Variants in SUZ12 observed in about 807,000 individuals in gnomAD.
The protein encoded by SUZ12 is polycomb protein SUZ12.
In SUZ12, 17 loss-of-function variants were observed where a neutral mutation model predicts 87.3. The ratio of observed to expected loss-of-function variants is 0.19; its 90% CI spans 0.13 to 0.29. SUZ12 has a LOEUF of 0.29. Among genes scored for constraint, SUZ12 ranks in the 10% least tolerant of loss-of-function variants. The pLI is 1.00. For synonymous variants in SUZ12, 253 were observed against 312.4 expected (o/e 0.81, Z 2.01); for missense variants, 526 against 912.2 (o/e 0.58, Z 5.45).
chr17:31,992,754 C>T (rs1002170335), intron 10 of SUZ12, among the ~76,000 whole-genome samples: 5 of 148,856 alleles, frequency 3.4e-5, no homozygotes, highest in African/African-American at 7.4e-5. Context: ...GTCATCCAGG[C>T]GGAAGTGCAG....
intron 6 of SUZ12, among the ~76,000 whole-genome samples, chr17:31,973,594 C>A (rs1188952473): frequency 1.3e-5 from 2 of 152,182 alleles, no homozygotes; most frequent in Non-Finnish European, 2.9e-5. Context: ...GTTTTTTCCA[C>A]AAGATTATCC....
At chr17:31,988,553 G>T in intron 10 of SUZ12, 56 bp downstream of exon 10, 1 of 1,458,290 alleles carries the variant, frequency 6.9e-7, no homozygotes, top group South Asian at 1.4e-5. Context: ...GTTAGGTCTT[G>T]TGCTTTAGAT....
chr17:31,998,094 T>TG (rs1288913646), intron 15 of SUZ12, among the ~76,000 whole-genome samples: 1 of 151,274 alleles, frequency 6.6e-6, no homozygotes. Flanking sequence ...TTTTTTTTTT[T>TG]TTTGAGACGG....
At chr17:31,964,152 G>A (rs370065507) in intron 4 of SUZ12, among the ~76,000 whole-genome samples, 10,429 of 149,944 alleles carry the variant, frequency 0.07, no homozygotes, top group African/African-American at 0.23. Flanking sequence ...TCTGCCTCCC[G>A]AGTAGCTGGG....
chr17:31,942,462 G>A (rs1273550140), intron 3 of SUZ12, among the ~76,000 whole-genome samples: 3 of 151,798 alleles, frequency 2.0e-5, no homozygotes, highest in South Asian at 2.1e-4. Context: ...CAGCTTCCCA[G>A]GTAGCTGAGA....
rs557738780 is a variant in SUZ12 at position 31,999,963 on chromosome 17, G to A, written c.*960G>A. 1 of 232,618 alleles carries A rather than the reference G, an allele frequency of 4.3e-6. No homozygotes were observed. Among genetic ancestry groups the A allele is most frequent in the African/African-American group, 2.2e-5 (1 of 45,314 alleles). The allele number at this position is 232,618 out of a possible 1,614,324, so 14.4% of individuals were successfully genotyped here. A position where few individuals can be genotyped will look rare whatever the true frequency, so the allele number is the denominator to read the frequency against. On this transcript the variant is annotated 3_prime_UTR_variant, in exon 16 of 16. Transcript: ENST00000322652. ...TTTATTTGTTTGCAAGGATGTCTTT[G>A]TAATGTGTTTCATGAATAGAATATC...
At chr17:31,997,484 G>A (rs1230657049) in intron 15 of SUZ12, among the ~76,000 whole-genome samples, 1 of 152,062 alleles carries the variant, frequency 6.6e-6, no homozygotes, top group African/African-American at 2.4e-5. Flanking sequence ...CCAACATGGT[G>A]AAACCCTGTC....
In SUZ12 at chr17:31,985,660, T is replaced by C. The variant is rs543471103; in HGVS notation, c.1023+2556T>C. 2.0e-5 allele frequency among the ~76,000 whole-genome samples: 3 copies of C among 151,940 alleles called. No individual in the cohort carries two copies. The East Asian group carries it at 5.8e-4, about 29-fold the overall frequency. On this transcript the variant is annotated intron_variant, in intron 9 of 15. Transcript: ENST00000322652. ...TTGTTGTTGGTTTTGTTTTTGTTTT[T>C]TTTTTGTTTGTTTTGTTTTTGAGAT...
At chr17:31,972,923 G>A (rs1190786591) in intron 5 of SUZ12, among the ~76,000 whole-genome samples, 5 of 149,390 alleles carry the variant, frequency 3.3e-5, no homozygotes, top group African/African-American at 1.2e-4. Context: ...ATATAGGACG[G>A]TAATTATATT....
At chr17:31,998,549 C>A in intron 15 of SUZ12, 109 bp from the exon 16 acceptor site, 1 of 701,316 alleles carries the variant, frequency 1.4e-6, no homozygotes, top group Non-Finnish European at 2.1e-6. Flanking sequence ...CTTCTTTAAT[C>A]ATCTTTTATT....
intron 3 of SUZ12, among the ~76,000 whole-genome samples, chr17:31,944,269 C>G (rs1263191313): frequency 1.3e-5 from 2 of 151,990 alleles, no homozygotes; most frequent in East Asian, 1.9e-4. Flanking sequence ...GCTGGGATTA[C>G]AGGCATGCGC....
intron 4 of SUZ12, among the ~76,000 whole-genome samples, chr17:31,957,104 T>G (rs942498687): frequency 1.3e-5 from 2 of 152,152 alleles, no homozygotes; most frequent in African/African-American, 4.8e-5. Context: ...ATTTTTGAGA[T>G]AGAGTCTTGC....
intron 3 of SUZ12, among the ~76,000 whole-genome samples, chr17:31,941,154 T>G (rs1279342875): frequency 6.6e-6 from 1 of 151,844 alleles, no homozygotes; most frequent in Non-Finnish European, 1.5e-5. Context: ...CAGGTTGGAG[T>G]GCAGTGGCGT....
intron 8 of SUZ12, among the ~76,000 whole-genome samples, chr17:31,979,837 G>C (rs1372040649): frequency 6.6e-6 from 1 of 152,072 alleles, no homozygotes; most frequent in Non-Finnish European, 1.5e-5. Flanking sequence ...TCACCCAATA[G>C]TTTTAGCATT....
chr17:31,945,612 C>G (rs780143498), intron 3 of SUZ12, among the ~76,000 whole-genome samples: 6 of 152,266 alleles, frequency 3.9e-5, no homozygotes, highest in Middle Eastern at 3.4e-3. Context: ...AGTAACATTA[C>G]CTTTCTAAAG....
At chr17:31,942,728 A>C (rs1266044288) in intron 3 of SUZ12, among the ~76,000 whole-genome samples, 2 of 152,218 alleles carry the variant, frequency 1.3e-5, no homozygotes, top group East Asian at 1.9e-4. Context: ...ATTAGATTTT[A>C]AAGTGGGGTC....
chr17:31,993,821 A>C, intron 11 of SUZ12, 44 bp from the exon 12 acceptor site: 1 of 1,547,856 alleles, frequency 6.5e-7, no homozygotes, highest in Non-Finnish European at 8.7e-7. Flanking sequence ...ATATCTTGTT[A>C]TGCGTAAATT....
chr17:31,977,242 C>T (rs904197373), intron 8 of SUZ12, among the ~76,000 whole-genome samples: 7 of 149,850 alleles, frequency 4.7e-5, no homozygotes, highest in Non-Finnish European at 8.9e-5. Context: ...TGCCACTGTA[C>T]TCTGGCCTGA....
chr17:31,976,852 G>C (rs889272723), intron 8 of SUZ12, among the ~76,000 whole-genome samples: 4 of 152,142 alleles, frequency 2.6e-5, no homozygotes, highest in African/African-American at 9.7e-5. Context: ...TTTTCTGAGT[G>C]TCTACTCTTT....
Sources: allele counts gnomAD v4.1 joint callset (sites outside exome capture counted in the v4.1 genomes callset), GRCh38; gene constraint gnomAD v4.1.1; transcripts MANE v1.5; gene names NCBI Gene and HGNC (gene_info 2026-07-23, HGNC 2026-07-21).